EEFSEC: variants seen among roughly 807,000 people sequenced by gnomAD.
EEFSEC encodes the protein selenocysteine-specific elongation factor.
A neutral mutation model predicts 42.1 loss-of-function variants in EEFSEC; 43 were observed. The ratio of observed to expected loss-of-function variants is 1.02; its 90% CI spans 0.80 to 1.32. The LOEUF is 1.32. EEFSEC is among the 40% of genes most tolerant of loss of function. EEFSEC has a pLI of 0.00. For synonymous variants in EEFSEC, 354 were observed against 339.1 expected, an observed-to-expected ratio of 1.04 and a Z score of -0.48; for missense variants, 745 against 803.6, an observed-to-expected ratio of 0.93 and a Z score of 0.88.
At chr3:128,191,507 T>C (rs1289754604) in intron 1 of EEFSEC, among the ~76,000 whole-genome samples, 2 of 152,188 alleles carry the variant, frequency 1.3e-5, no homozygotes, top group Non-Finnish European at 2.9e-5. Context: ...TTTTTAAATG[T>C]ACAATTCAGT....
At chr3:128,341,112 TG>T in intron 4 of EEFSEC, 120 bp from the exon 5 acceptor site, 1 of 1,233,110 alleles carries the variant, frequency 8.1e-7, no homozygotes, top group Non-Finnish European at 1.1e-6. Context: ...CCCCCTTGGC[TG>T]GTCCTCACGG....
chr3:128,204,635 C>T (rs1260446345), intron 1 of EEFSEC, among the ~76,000 whole-genome samples: 3 of 152,080 alleles, frequency 2.0e-5, no homozygotes, highest in African/African-American at 7.2e-5. Context: ...CCCAGCCACT[C>T]CTTTCCTGGG....
chr3:128,296,772 C>T (rs11917196), intron 4 of EEFSEC, among the ~76,000 whole-genome samples: 2,403 of 152,312 alleles, frequency 0.016, 45 homozygotes, highest in African/African-American at 0.054. Flanking sequence ...GCCTGAAAGA[C>T]ACGATTTGGA....
intron 1 of EEFSEC, among the ~76,000 whole-genome samples, chr3:128,191,975 C>G (rs1270056228): frequency 6.6e-6 from 1 of 151,990 alleles, no homozygotes; most frequent in Non-Finnish European, 1.5e-5. Flanking sequence ...ATTCCTATAC[C>G]TAGGAGAGGA....
intron 4 of EEFSEC, among the ~76,000 whole-genome samples, chr3:128,273,763 A>T (rs2066438877): frequency 6.6e-6 from 1 of 152,208 alleles, no homozygotes; most frequent in Non-Finnish European, 1.5e-5. Context: ...TGGCCCAGGC[A>T]TGGTTGGAGC....
intron 4 of EEFSEC, among the ~76,000 whole-genome samples, chr3:128,300,400 G>A (rs1416547542): frequency 3.3e-5 from 5 of 152,024 alleles, no homozygotes; most frequent in African/African-American, 7.2e-5. Context: ...TCAAGAGATC[G>A]AGGCCAACAT....
intron 6 of EEFSEC, among the ~76,000 whole-genome samples, chr3:128,369,893 T>A (rs150128658): frequency 6.6e-6 from 1 of 152,216 alleles, no homozygotes; most frequent in South Asian, 2.1e-4. Flanking sequence ...CCTCAGCACA[T>A]GTCCCCGAGG....
At chr3:128,383,750 G>A (rs2067804210) in intron 6 of EEFSEC, among the ~76,000 whole-genome samples, 1 of 152,238 alleles carries the variant, frequency 6.6e-6, no homozygotes, top group Admixed American at 6.5e-5. Flanking sequence ...GCTGGGACAG[G>A]AGGGGCTCAG....
rs1259627444 is a variant in EEFSEC at position 128,317,646 on chromosome 3, C to T, written c.787-23587C>T. ...GCATCTCACGGTATTCATCTGCCGG[C>T]AGAGGAGAGTTCCAGCTCCTTGGCC... On this transcript the variant is annotated intron_variant, in intron 4 of 6. Coordinates refer to ENST00000254730, the MANE Select transcript of EEFSEC (RefSeq NM_021937.5). This position sits in a 1 kb window ranked among gnomAD's most constrained non-coding sequence, Gnocchi z 4.1. Among the ~76,000 whole-genome samples the T allele has an allele frequency of 1.5e-4, 23 of 152,256 alleles. No individual in the cohort carries two copies. Among genetic ancestry groups the T allele is most frequent in the Admixed American group, 1.5e-3 (23 of 15,292 alleles).
At chr3:128,278,409 G>A (rs751118628) in intron 4 of EEFSEC, among the ~76,000 whole-genome samples, 10 of 152,212 alleles carry the variant, frequency 6.6e-5, no homozygotes, top group Admixed American at 1.3e-4. Flanking sequence ...TGGAGGAGCC[G>A]TTGGTGAGAG....
rs548223343 is a variant in EEFSEC, at chr3:128,285,707, C to T, written c.786+20926C>T. Among the ~76,000 whole-genome samples, 10 of 152,276 alleles carry T rather than the reference C, an allele frequency of 6.6e-5. No homozygotes were observed. In the South Asian group the frequency reaches 2.1e-3, roughly 32 times the overall value. On this transcript the variant is annotated intron_variant, in intron 4 of 6. Transcript: ENST00000254730. ...CCATCATGGACACCAACCCAGCTCCCCTCGCCCACGCTCCCTTAGCCCATT... is the reference window on the plus strand; with the variant it reads ...CCATCATGGACACCAACCCAGCTCCTCTCGCCCACGCTCCCTTAGCCCATT...
At chr3:128,423,884 C>G in the EEFSEC span, among the ~76,000 whole-genome samples, 18 of 152,370 alleles carry the variant, frequency 1.2e-4, no homozygotes, top group African/African-American at 4.3e-4. Flanking sequence ...GCCATTCTCT[C>G]TGCCCTGCAG....
At chr3:128,391,341 A>C (rs2067910553) in intron 6 of EEFSEC, among the ~76,000 whole-genome samples, 1 of 152,178 alleles carries the variant, frequency 6.6e-6, no homozygotes, top group Non-Finnish European at 1.5e-5. Context: ...GCAGCCTCCC[A>C]TCTGTCTCCC....
At chr3:128,176,736 C>A (rs980784190) in intron 1 of EEFSEC, among the ~76,000 whole-genome samples, 4 of 152,144 alleles carry the variant, frequency 2.6e-5, no homozygotes, top group African/African-American at 9.7e-5. Context: ...GCTATATGGT[C>A]TTGGGTAGAT....
the EEFSEC span, among the ~76,000 whole-genome samples, chr3:128,421,545 G>A: frequency 6.6e-6 from 1 of 152,240 alleles, no homozygotes; most frequent in Non-Finnish European, 1.5e-5. Context: ...CAGGTCAGCT[G>A]CTGGTGCCAC....
rs111959150 is a variant in EEFSEC, at chr3:128,310,079, C to T, written c.787-31154C>T. Among the ~76,000 whole-genome samples, 532 of 152,318 alleles carry T rather than the reference C, an allele frequency of 3.5e-3. 1 individual carries two copies. The highest frequency in any genetic ancestry group is 0.012 in the African/African-American group (491 of 41,572). ...GTCATAACAGAACCAAAGGCAGGTG[C>T]GGTATCTGTGCTTTTCAGGGAGAAA... On this transcript the variant is annotated intron_variant, in intron 4 of 6. Coordinates refer to ENST00000254730, the MANE Select transcript of EEFSEC (RefSeq NM_021937.5).
At chr3:128,413,720 G>C in the EEFSEC span, among the ~76,000 whole-genome samples, 1 of 152,258 alleles carries the variant, frequency 6.6e-6, no homozygotes, top group South Asian at 2.1e-4. Context: ...AGCCCAGGCT[G>C]ACCTGGCCCT....
At chr3:128,332,206 A>G (rs2067141567) in intron 4 of EEFSEC, among the ~76,000 whole-genome samples, 1 of 152,242 alleles carries the variant, frequency 6.6e-6, no homozygotes, top group African/African-American at 2.4e-5. Context: ...GTATATACAC[A>G]CACACAAATA....
At chr3:128,345,370 C>T (rs2067300952) in intron 5 of EEFSEC, among the ~76,000 whole-genome samples, 1 of 152,156 alleles carries the variant, frequency 6.6e-6, no homozygotes, top group Admixed American at 6.5e-5. Context: ...TATCAGGAGC[C>T]ACACAGTTTT....
Sources: allele counts gnomAD v4.1 joint callset (sites outside exome capture counted in the v4.1 genomes callset), GRCh38; gene constraint gnomAD v4.1.1; non-coding constraint Gnocchi (gnomAD v3.1); transcripts MANE v1.5; gene names NCBI Gene and HGNC (gene_info 2026-07-23, HGNC 2026-07-21).